FARS2: variants seen among roughly 807,000 people sequenced by gnomAD.
FARS2 encodes phenylalanyl-tRNA synthetase 2, mitochondrial, also known as phenylalanine--tRNA ligase, mitochondrial.
A neutral mutation model predicts 46.4 loss-of-function variants in FARS2; 40 were observed. The observed-to-expected ratio is 0.86, with a 90% CI of 0.67 to 1.12. The LOEUF (loss-of-function observed/expected upper bound fraction) is 1.12. FARS2 is among the 50% of genes most tolerant of loss of function. FARS2 has a pLI of 0.00. For missense variants in FARS2, 513 were observed against 567.9 expected (o/e 0.90, Z 0.98); for synonymous variants, 234 against 214.9 (o/e 1.09, Z -0.78).
chr6:5,294,715 C>T (rs75231032), intron 1 of FARS2, among the ~76,000 whole-genome samples: 423 of 152,222 alleles, frequency 2.8e-3, no homozygotes, highest in African/African-American at 9.7e-3. Flanking sequence ...AGGATACAGA[C>T]GGAGAGACGT....
intron 6 of FARS2, among the ~76,000 whole-genome samples, chr6:5,650,678 C>G (rs901811701): frequency 5.9e-5 from 9 of 152,140 alleles, no homozygotes; most frequent in Non-Finnish European, 1.3e-4. Flanking sequence ...GGGGTTTCAC[C>G]GTGTTAGCCA....
intron 4 of FARS2, among the ~76,000 whole-genome samples, chr6:5,438,181 A>G (rs900011684): frequency 2.0e-5 from 3 of 150,808 alleles, no homozygotes; most frequent in African/African-American, 7.3e-5. Context: ...TTTTTAAAAA[A>G]ATTATTAACT....
chr6:5,753,832 T>C (rs546828091), intron 6 of FARS2, among the ~76,000 whole-genome samples: 77 of 152,302 alleles, frequency 5.1e-4, no homozygotes, highest in South Asian at 1.9e-3. Context: ...AAAGTGGCAG[T>C]CCAGCACCAT....
chr6:5,755,217 T>C (rs1762144493), intron 6 of FARS2, among the ~76,000 whole-genome samples: 1 of 152,232 alleles, frequency 6.6e-6, no homozygotes, highest in African/African-American at 2.4e-5. Flanking sequence ...TTTTTTATTA[T>C]ACTTTAAGTT....
At chr6:5,544,076 C>T (rs1770801893) in intron 4 of FARS2, among the ~76,000 whole-genome samples, 1 of 152,032 alleles carries the variant, frequency 6.6e-6, no homozygotes, top group Admixed American at 6.5e-5. Context: ...ATCATCAGCT[C>T]ACTCCAGCTA....
At chr6:5,665,815 GGTAA>G (rs1442371653) in intron 6 of FARS2, among the ~76,000 whole-genome samples, 11 of 152,192 alleles carry the variant, frequency 7.2e-5, no homozygotes, top group African/African-American at 2.7e-4. Context: ...GACTCAAATT[GGTAA>G]GTGAGAAGCC....
chr6:5,467,164 G>A, intron 4 of FARS2: 1 of 797,386 alleles, frequency 1.3e-6, no homozygotes, highest in Non-Finnish European at 1.5e-6. Flanking sequence ...TTCTATCTGT[G>A]GTTTACATTT....
intron 4 of FARS2, among the ~76,000 whole-genome samples, chr6:5,534,434 C>T (rs1029409386): frequency 2.6e-5 from 4 of 152,188 alleles, no homozygotes; most frequent in Non-Finnish European, 5.9e-5. Flanking sequence ...AGCATTAACT[C>T]CCCATTCCAT....
chr6:5,726,181 T>C lies in FARS2; in HGVS notation c.1218-45110T>C, dbSNP rs78645751. ...TTTCTTTTTAGAATCTTTTTTTTTT[T>C]AATCCTCACTTGGGATTAATCACCT... On this transcript the variant is annotated intron_variant, in intron 6 of 6. Transcript: ENST00000274680. Among the ~76,000 whole-genome samples, 525 of 152,146 alleles carry C rather than the reference T, an allele frequency of 3.5e-3. 2 individuals carry two copies. The highest frequency in any genetic ancestry group is 0.011 in the African/African-American group (442 of 41,470).
upstream of FARS2, among the ~76,000 whole-genome samples, chr6:5,256,490 GGAAAAAAAAAAAAAAAAAAAAAAAAAA>G (rs772336494): frequency 2.4e-4 from 9 of 37,520 alleles, 1 homozygote; most frequent in Admixed American, 7.2e-4. Flanking sequence ...GATTTCAACT[GGAAAAAAAAAAAAAAAAAAAAAAAAAA>G]AAAAAAAAAA....
chr6:5,271,745 T>C (rs182799060), intron 1 of FARS2, among the ~76,000 whole-genome samples: 2 of 152,110 alleles, frequency 1.3e-5, no homozygotes, highest in African/African-American at 4.8e-5. Flanking sequence ...ATATTTTTAG[T>C]AGAGATGGGG....
intron 1 of FARS2, among the ~76,000 whole-genome samples, chr6:5,286,905 G>A (rs1238641954): frequency 2.6e-5 from 4 of 152,288 alleles, no homozygotes; most frequent in East Asian, 1.9e-4. Flanking sequence ...AACTCCTCCC[G>A]GGGCATGTTC....
At chr6:5,260,826 C>A, upstream of FARS2, 1 of 1,523,640 alleles carries the variant, frequency 6.6e-7, no homozygotes, top group Non-Finnish European at 8.8e-7. Flanking sequence ...AAACCACGAA[C>A]GAAATAAAAT....
chr6:5,432,683 A>C (rs917592195), intron 4 of FARS2, among the ~76,000 whole-genome samples: 3 of 151,192 alleles, frequency 2.0e-5, no homozygotes, highest in Non-Finnish European at 4.4e-5. Context: ...CCTTAGAAGG[A>C]CATTTGCTGC....
chr6:5,636,555 G>C (rs879666698), intron 6 of FARS2, among the ~76,000 whole-genome samples: 1 of 152,242 alleles, frequency 6.6e-6, no homozygotes, highest in Non-Finnish European at 1.5e-5. Context: ...CACATTGTCT[G>C]TTTGCCTTGA....
intron 4 of FARS2, among the ~76,000 whole-genome samples, chr6:5,435,806 G>C (rs1363368740): frequency 6.6e-6 from 1 of 152,110 alleles, no homozygotes; most frequent in Non-Finnish European, 1.5e-5. Context: ...ATTTTACATG[G>C]GCCAAGAGGG....
intron 6 of FARS2, among the ~76,000 whole-genome samples, chr6:5,677,133 AC>A (rs1486699250): frequency 5.9e-5 from 9 of 152,244 alleles, no homozygotes; most frequent in Non-Finnish European, 1.2e-4. Flanking sequence ...TTTTTATATA[AC>A]CAAAGATGAT....
chr6:5,694,734 T>C (rs2150871605), intron 6 of FARS2: 1 of 151,228 alleles, frequency 6.6e-6, no homozygotes, highest in East Asian at 1.9e-4. Context: ...CCAGGTGCAG[T>C]GGCTCATACC....
At chr6:5,649,267 G>A (rs1777227268) in intron 6 of FARS2, among the ~76,000 whole-genome samples, 1 of 152,178 alleles carries the variant, frequency 6.6e-6, no homozygotes, top group Admixed American at 6.5e-5. Context: ...TTCTTTGGGT[G>A]CTGTGTTTTT....
Sources: allele counts gnomAD v4.1 joint callset (sites outside exome capture counted in the v4.1 genomes callset), GRCh38; gene constraint gnomAD v4.1.1; transcripts MANE v1.5; gene names NCBI Gene and HGNC (gene_info 2026-07-23, HGNC 2026-07-21).